GRIP1: variants seen among roughly 807,000 people sequenced by gnomAD.
GRIP1 encodes the protein glutamate receptor-interacting protein 1.
GRIP1 carries 45 observed loss-of-function variants against 129.9 expected under a neutral mutation model. The ratio of observed to expected loss-of-function variants is 0.35; its 90% CI spans 0.27 to 0.44. GRIP1 has a LOEUF of 0.44. Ranked by LOEUF, GRIP1 falls within the 20% of genes least tolerant of loss-of-function variation. The pLI is 1.00. For synonymous variants in GRIP1, 530 were observed against 520.8 expected, an observed-to-expected ratio of 1.02 and a Z score of -0.24; for missense variants, 1,196 against 1,396.8, an observed-to-expected ratio of 0.86 and a Z score of 2.29.
Position 66,379,312 on chromosome 12 carries a change from A to G in GRIP1, c.2589T>C (p.Ser863=). The part of the protein sequence containing the change: ...RSQTYPDVGL[S]YEDWDRSTAS... ...CTGTGGACCGGTCCCAGTCTTCATA[A>G]CTCAGCCCCACATCTGGGTAAGTCT... The change falls in exon 20 of 25, where the codon AGT becomes AGC. Residue 863 remains serine, a synonymous_variant. Coordinates refer to ENST00000359742, the MANE Select transcript of GRIP1 (RefSeq NM_001366722.1). 6.2e-7 allele frequency: 1 copy of G among 1,613,924 alleles called. No individual in the cohort carries two copies. The highest frequency in any genetic ancestry group is 8.5e-7 in the Non-Finnish European group (1 of 1,179,860).
intron 1 of GRIP1, among the ~76,000 whole-genome samples, chr12:66,694,537 G>GTT (rs1410869591): frequency 6.6e-6 from 1 of 152,034 alleles, no homozygotes. Context: ...ATTATATGTT[G>GTT]TTATCATCTG....
chr12:66,715,276 C>T (rs543553025), intron 1 of GRIP1, among the ~76,000 whole-genome samples: 6 of 152,156 alleles, frequency 3.9e-5, no homozygotes, highest in African/African-American at 9.6e-5. Context: ...TGCTATACTA[C>T]TTGTGCTTTC....
chr12:66,391,164 T>C (rs1354189818), intron 19 of GRIP1, among the ~76,000 whole-genome samples: 2 of 152,194 alleles, frequency 1.3e-5, no homozygotes, highest in African/African-American at 4.8e-5. Flanking sequence ...TCCTAAAAAG[T>C]ACAGTTAACT....
chr12:66,541,805 A>G lies in GRIP1; in HGVS notation c.272+10T>C. 6.2e-7 allele frequency: 1 copy of G among 1,613,650 alleles called. No homozygotes were observed. The highest frequency in any genetic ancestry group is 1.1e-5 in the South Asian group (1 of 91,076). ...GTTCCTTTCAGTAGATTTCCCCAAG[A>G]GGCAGTTACCTAGCAGCAATTCCTC... On this transcript the variant is annotated intron_variant, in intron 3 of 24. Transcript: ENST00000359742.
At chr12:67,065,531 G>C (rs533750016) in intron 1 of GRIP1, among the ~76,000 whole-genome samples, 251 of 152,192 alleles carry the variant, frequency 1.6e-3, no homozygotes, top group African/African-American at 5.8e-3. Context: ...ATATATATTT[G>C]TTAAATCTAA....
intron 4 of GRIP1, among the ~76,000 whole-genome samples, chr12:66,535,155 A>C (rs1274785553): frequency 6.6e-6 from 1 of 152,048 alleles, no homozygotes; most frequent in Non-Finnish European, 1.5e-5. Context: ...CACCCACAAC[A>C]CTGGACAAAT....
At chr12:66,364,456 C>G (rs1172153515) in intron 23 of GRIP1, among the ~76,000 whole-genome samples, 1 of 152,054 alleles carries the variant, frequency 6.6e-6, no homozygotes, top group Non-Finnish European at 1.5e-5. Context: ...TAGCTGTATA[C>G]CTTTCTCATA....
At chr12:67,015,776 A>C (rs2042777045) in intron 1 of GRIP1, among the ~76,000 whole-genome samples, 1 of 152,220 alleles carries the variant, frequency 6.6e-6, no homozygotes, top group Admixed American at 6.5e-5. Flanking sequence ...GGAGGGATAC[A>C]TGATGCATCA....
chr12:67,007,940 A>C (rs946260266), intron 1 of GRIP1, among the ~76,000 whole-genome samples: 21 of 152,200 alleles, frequency 1.4e-4, no homozygotes, highest in African/African-American at 2.7e-4. Flanking sequence ...ACAACAACAA[A>C]AAAAAATCAT....
chr12:66,576,415 C>T (rs371740538), intron 2 of GRIP1, among the ~76,000 whole-genome samples: 3 of 152,180 alleles, frequency 2.0e-5, no homozygotes, highest in Non-Finnish European at 4.4e-5. Context: ...AAATTTGAAG[C>T]TAATTCATTG....
intron 15 of GRIP1, among the ~76,000 whole-genome samples, chr12:66,415,289 G>A: frequency 6.6e-6 from 1 of 151,582 alleles, no homozygotes; most frequent in African/African-American, 2.4e-5. Context: ...CTCAAAAAAA[G>A]ATATTCATGC....
rs112377939 is a variant in GRIP1, at chr12:66,926,980, T to G, written c.58+142070A>C. The stretch of plus-strand genomic sequence containing the variant: ...CATCATTCATTCATCAATGATTTAT[T>G]AAATGTGCACTATGTGTTAGGTGCT... On this transcript the variant is annotated intron_variant, in intron 1 of 1. Transcript: ENST00000643019. 5.8e-3 allele frequency among the ~76,000 whole-genome samples: 885 copies of G among 152,336 alleles called. 11 individuals carry two copies. The highest frequency in any genetic ancestry group is 0.02 in the African/African-American group (836 of 41,580).
chr12:66,523,818 A>G (rs1319991993), intron 5 of GRIP1, among the ~76,000 whole-genome samples: 1 of 147,994 alleles, frequency 6.8e-6, no homozygotes, highest in African/African-American at 2.4e-5. Flanking sequence ...GGCTCAAAAT[A>G]AAGGGATGGA....
chr12:66,440,597 C>A (rs2058445013), intron 13 of GRIP1, among the ~76,000 whole-genome samples: 1 of 152,158 alleles, frequency 6.6e-6, no homozygotes, highest in African/African-American at 2.4e-5. Flanking sequence ...ACCTTTTCTA[C>A]AAATTCATAA....
At chr12:66,759,104 G>C (rs776253978) in intron 1 of GRIP1, among the ~76,000 whole-genome samples, 5 of 152,156 alleles carry the variant, frequency 3.3e-5, no homozygotes, top group Admixed American at 6.5e-5. Flanking sequence ...CTCCATGAAG[G>C]CTCCGCCCCT....
At chr12:66,840,510 G>A (rs2039696150) in intron 1 of GRIP1, among the ~76,000 whole-genome samples, 1 of 152,116 alleles carries the variant, frequency 6.6e-6, no homozygotes, top group South Asian at 2.1e-4. Context: ...CGACAGTAAG[G>A]GCTGCACTGT....
At chr12:66,819,014 A>G (rs2039273743) in intron 1 of GRIP1, among the ~76,000 whole-genome samples, 1 of 152,244 alleles carries the variant, frequency 6.6e-6, no homozygotes, top group African/African-American at 2.4e-5. Flanking sequence ...CAATGTACTT[A>G]AATGTCTTTT....
intron 1 of GRIP1, among the ~76,000 whole-genome samples, chr12:66,671,387 C>A (rs2034072157): frequency 6.6e-6 from 1 of 152,148 alleles, no homozygotes; most frequent in East Asian, 1.9e-4. Context: ...GTTCATCCCT[C>A]TTCTAGTTTG....
intron 1 of GRIP1, among the ~76,000 whole-genome samples, chr12:67,037,926 G>A (rs538136527): frequency 6.6e-4 from 101 of 152,282 alleles, no homozygotes; most frequent in African/African-American, 2.2e-3. Flanking sequence ...CAGGGAGGGC[G>A]TGTGTGATTA....
Sources: gnomAD v4.1 joint callset for allele counts (sites outside exome capture counted in the v4.1 genomes callset) on GRCh38, gnomAD v4.1.1 for gene constraint, MANE v1.5 for transcripts, NCBI Gene and HGNC (gene_info 2026-07-23, HGNC 2026-07-21) for gene names.